Variants in BCAS3 observed in about 807,000 individuals in gnomAD.
BCAS3 encodes BCAS3 microtubule associated cell migration factor.
Under a neutral mutation model 116.1 loss-of-function variants are expected in BCAS3, and 53 were observed. The ratio of observed to expected loss-of-function variants is 0.46; its 90% CI spans 0.37 to 0.57. The LOEUF (loss-of-function observed/expected upper bound fraction) is 0.57. BCAS3 is among the 20% of genes least tolerant of loss of function. BCAS3 has a pLI of 0.00. For missense variants in BCAS3, 917 were observed against 1,165.4 expected (o/e 0.79, Z 3.10); for synonymous variants, 391 against 408.2 (o/e 0.96, Z 0.51).
intron 22 of BCAS3, among the ~76,000 whole-genome samples, chr17:61,085,265 G>T (rs545866342): frequency 6.6e-6 from 1 of 152,278 alleles, no homozygotes; most frequent in Admixed American, 6.5e-5. Flanking sequence ...TAGTGCAGCT[G>T]GGGAGCATCT....
chr17:60,987,034 T>G (rs1188173530), intron 14 of BCAS3: 2 of 152,144 alleles, frequency 1.3e-5, no homozygotes, highest in Non-Finnish European at 2.9e-5. Flanking sequence ...GGGTCTATTT[T>G]TATTCTTCTG....
intron 11 of BCAS3, among the ~76,000 whole-genome samples, chr17:60,905,740 A>G (rs2058155522): frequency 6.6e-6 from 1 of 152,312 alleles, no homozygotes; most frequent in East Asian, 1.9e-4. Flanking sequence ...AAGAAAGAAG[A>G]GAGCTTCCTC....
At chr17:61,125,737 A>T (rs1276833362) in intron 22 of BCAS3, among the ~76,000 whole-genome samples, 1 of 152,158 alleles carries the variant, frequency 6.6e-6, no homozygotes, top group Non-Finnish European at 1.5e-5. Context: ...AAATCTCTTA[A>T]TGTTCAACCA....
intron 22 of BCAS3, among the ~76,000 whole-genome samples, chr17:61,237,402 A>T (rs1187590064): frequency 1.3e-5 from 2 of 152,240 alleles, no homozygotes; most frequent in Admixed American, 1.3e-4. Context: ...ATAGGACAGA[A>T]ACGGAACATG....
At chr17:60,844,215 C>T (rs2052278076) in intron 7 of BCAS3, among the ~76,000 whole-genome samples, 1 of 152,166 alleles carries the variant, frequency 6.6e-6, no homozygotes, top group African/African-American at 2.4e-5. Flanking sequence ...GCTGATCTGC[C>T]CGTCTCGGCC....
chr17:61,304,529 A>G (rs1452915133), intron 22 of BCAS3, among the ~76,000 whole-genome samples: 1 of 152,144 alleles, frequency 6.6e-6, no homozygotes, highest in Non-Finnish European at 1.5e-5. Flanking sequence ...ATTGAGACTC[A>G]GCACGTAACG....
rs2067093399 is a variant in BCAS3 at position 61,037,050 on chromosome 17, A to G, written c.1763-839A>G. On this transcript the variant is annotated intron_variant, in intron 17 of 23. Coordinates refer to ENST00000407086, the MANE Select transcript of BCAS3 (RefSeq NM_017679.5). The surrounding 1 kb of genome is among the most constrained non-coding windows in gnomAD (Gnocchi z 4.7). ...CAACCAGAGTGGTACGTGTGTTTGG[A>G]TTGATGAACCTACATTGACACATCA... Among the ~76,000 whole-genome samples the G allele has an allele frequency of 6.6e-6, 1 of 152,130 alleles. No homozygotes were observed. Among genetic ancestry groups the G allele is most frequent in the African/African-American group, 2.4e-5 (1 of 41,414 alleles).
chr17:60,807,411 TG>T (rs2048374102), intron 6 of BCAS3, among the ~76,000 whole-genome samples: 1 of 152,096 alleles, frequency 6.6e-6, no homozygotes, highest in African/African-American at 2.4e-5. Flanking sequence ...AATTAGTTGG[TG>T]GGGTATGGGA....
At chr17:60,946,400 G>C (rs552434227) in intron 13 of BCAS3, among the ~76,000 whole-genome samples, 1 of 152,206 alleles carries the variant, frequency 6.6e-6, no homozygotes, top group South Asian at 2.1e-4. Context: ...GTGACCTTGG[G>C]TTAGGCAAAG....
rs150719321 is a variant in BCAS3 at position 61,269,519 on chromosome 17, A to G, written c.2426-98808A>G. On this transcript the variant is annotated intron_variant, in intron 22 of 23. Coordinates refer to ENST00000407086, the MANE Select transcript of BCAS3 (RefSeq NM_017679.5). ...TTGAGGCGTCTCCATGCTGTTTTCC[A>G]TAGTGACTACACCATTTACATTCCC... 4.0e-4 allele frequency among the ~76,000 whole-genome samples: 61 copies of G among 152,294 alleles called. No homozygotes were observed. In the East Asian group the frequency reaches 0.01, roughly 25 times the overall value.
At chr17:61,027,120 AC>A (rs1311528951) in intron 16 of BCAS3, among the ~76,000 whole-genome samples, 8 of 149,434 alleles carry the variant, frequency 5.4e-5, no homozygotes, top group African/African-American at 2.0e-4. Context: ...AAAGTAAAAA[AC>A]AAAAAAAAAA....
At position 61,315,973 on chromosome 17, in the gene BCAS3, TC is replaced by T. The variant is rs1344105246; in HGVS notation, c.2426-52353del. Among the ~76,000 whole-genome samples, 9 of 152,168 alleles carry T rather than the reference TC, an allele frequency of 5.9e-5. No individual in the cohort carries two copies. The highest frequency in any genetic ancestry group is 5.9e-4 in the Admixed American group (9 of 15,274). On this transcript the variant is annotated intron_variant, in intron 22 of 23. Transcript: ENST00000407086. The surrounding 1 kb of genome is among the most constrained non-coding windows in gnomAD (Gnocchi z 5.3). Reference sequence around the variant, plus strand: ...TCTTTAGGACCAGGATTTTCCCTTTTCATGTGTGTTTTCCAGTGTCTAGGAT... The same window carrying T: ...TCTTTAGGACCAGGATTTTCCCTTTTATGTGTGTTTTCCAGTGTCTAGGAT...
intron 22 of BCAS3, among the ~76,000 whole-genome samples, chr17:61,107,414 A>T (rs2074739510): frequency 6.6e-6 from 1 of 152,072 alleles, no homozygotes; most frequent in Non-Finnish European, 1.5e-5. Flanking sequence ...ATGTGCACAG[A>T]TTCATGTAAC....
At chr17:60,945,553 C>A (rs1599870290) in intron 13 of BCAS3, among the ~76,000 whole-genome samples, 1 of 152,294 alleles carries the variant, frequency 6.6e-6, no homozygotes, top group Middle Eastern at 3.4e-3. Flanking sequence ...GTAATCCCAG[C>A]ACTTTGGGAG....
chr17:60,803,599 A>G (rs1316048161), intron 6 of BCAS3, among the ~76,000 whole-genome samples: 1 of 152,046 alleles, frequency 6.6e-6, no homozygotes, highest in African/African-American at 2.4e-5. Flanking sequence ...TCAGTCTACC[A>G]TCTTAACTCA....
At chr17:61,272,924 T>C (rs1461254149) in intron 22 of BCAS3, among the ~76,000 whole-genome samples, 1 of 152,054 alleles carries the variant, frequency 6.6e-6, no homozygotes, top group Non-Finnish European at 1.5e-5. Context: ...GCATTAGATC[T>C]CCTATGCCCT....
At chr17:60,877,901 T>G (rs2055762486) in intron 9 of BCAS3, among the ~76,000 whole-genome samples, 1 of 152,178 alleles carries the variant, frequency 6.6e-6, no homozygotes, top group Non-Finnish European at 1.5e-5. Context: ...CTTAAATGGT[T>G]AAAATATTGA....
intron 13 of BCAS3, among the ~76,000 whole-genome samples, chr17:60,932,412 G>A (rs565946508): frequency 6.6e-6 from 1 of 152,242 alleles, no homozygotes; most frequent in African/African-American, 2.4e-5. Flanking sequence ...TTCATTTGTT[G>A]AATAAAATCA....
intron 7 of BCAS3, among the ~76,000 whole-genome samples, chr17:60,833,454 G>A (rs935569622): frequency 7.2e-5 from 11 of 152,190 alleles, no homozygotes; most frequent in Admixed American, 3.9e-4. Flanking sequence ...AAGAATTGTA[G>A]TGAAATCCCA....
Sources: gnomAD v4.1 joint callset for allele counts (sites outside exome capture counted in the v4.1 genomes callset) on GRCh38, gnomAD v4.1.1 for gene constraint, Gnocchi (gnomAD v3.1) non-coding constraint, MANE v1.5 for transcripts, NCBI Gene and HGNC (gene_info 2026-07-23, HGNC 2026-07-21) for gene names.